Variants in ACTR10 observed in about 807,000 individuals in gnomAD.
ACTR10 encodes actin-related protein 10.
A neutral mutation model predicts 56.2 loss-of-function variants in ACTR10; 43 were observed. The observed-to-expected ratio is 0.77, with a 90% confidence interval of 0.60 to 0.99. The LOEUF is 0.99. Ranked by LOEUF, ACTR10 falls within the 50% of genes least tolerant of loss-of-function variation. The pLI is 0.00. For missense variants in ACTR10, 466 were observed against 507.8 expected (o/e 0.92, Z 0.79); for synonymous variants, 170 against 176.3 (o/e 0.96, Z 0.28).
intron 4 of ACTR10, chr14:58,211,016 A>G (rs1888980244): frequency 3.5e-6 from 1 of 286,984 alleles, no homozygotes; most frequent in African/African-American, 2.3e-5. Context: ...TCCCTTCCAA[A>G]AGAGAACAAG....
At chr14:58,224,727 G>A (rs528147139) in intron 10 of ACTR10, among the ~76,000 whole-genome samples, 2 of 152,240 alleles carry the variant, frequency 1.3e-5, no homozygotes, top group South Asian at 4.1e-4. Context: ...GCTTGGCCGG[G>A]CGCAGTGGCT....
intron 9 of ACTR10, 33 bp from the exon 10 acceptor site, chr14:58,223,750 T>A: frequency 6.2e-7 from 1 of 1,607,896 alleles, no homozygotes; most frequent in African/African-American, 1.3e-5. Flanking sequence ...TTACAACATG[T>A]GTGGACTTAT....
intron 8 of ACTR10, among the ~76,000 whole-genome samples, chr14:58,220,070 T>G (rs1035264405): frequency 3.9e-5 from 6 of 152,190 alleles, no homozygotes; most frequent in African/African-American, 1.4e-4. Flanking sequence ...TCTAGTTTTC[T>G]TTATACATTT....
At chr14:58,217,919 C>T (rs867138065) in intron 7 of ACTR10, among the ~76,000 whole-genome samples, 1 of 152,118 alleles carries the variant, frequency 6.6e-6, no homozygotes, top group African/African-American at 2.4e-5. Context: ...TGTTATGCTT[C>T]TTATTTTCCT....
At chr14:58,211,811 G>A (rs951502577) in intron 5 of ACTR10, among the ~76,000 whole-genome samples, 2 of 151,940 alleles carry the variant, frequency 1.3e-5, no homozygotes, top group African/African-American at 4.8e-5. Flanking sequence ...GAGCTCACTG[G>A]CCTCTGTAGT....
At chr14:58,220,571 T>C (rs1889241590) in intron 8 of ACTR10, among the ~76,000 whole-genome samples, 1 of 152,248 alleles carries the variant, frequency 6.6e-6, no homozygotes, top group Non-Finnish European at 1.5e-5. Context: ...TTTCCTTTCC[T>C]CTCTTCCATT....
intron 8 of ACTR10, among the ~76,000 whole-genome samples, chr14:58,223,119 T>C (rs1889316825): frequency 6.6e-6 from 1 of 152,134 alleles, no homozygotes; most frequent in African/African-American, 2.4e-5. Flanking sequence ...GGTTGTTTTT[T>C]TGTTTTGTTT....
At chr14:58,202,453 C>G (rs1032340440) in intron 1 of ACTR10, among the ~76,000 whole-genome samples, 2 of 151,606 alleles carry the variant, frequency 1.3e-5, no homozygotes, top group African/African-American at 4.8e-5. Context: ...GCGTGGTGGC[C>G]GGCACCTGTA....
In ACTR10 at chr14:58,234,771, CAAT is replaced by C. The variant is rs1163590413; in HGVS notation, c.*223_*225del. 3.7e-6 allele frequency: 1 copy of C among 268,238 alleles called. No individual in the cohort carries two copies. The highest frequency in any genetic ancestry group is 7.2e-5 in the East Asian group (1 of 13,928). 16.6% of individuals were successfully genotyped at this position (268,238 alleles called of 1,614,324 possible). A position where few individuals can be genotyped will look rare whatever the true frequency, so the allele number is the denominator to read the frequency against. ...TTATTGAGATTTGCTGTATTTATAT[CAAT>C]AAAGTATAGTAAAGCAGTTTGATTT... On this transcript the variant is annotated 3_prime_UTR_variant, in exon 13 of 13. Coordinates refer to ENST00000254286, the MANE Select transcript of ACTR10 (RefSeq NM_018477.3).
intron 7 of ACTR10, among the ~76,000 whole-genome samples, chr14:58,217,968 G>T (rs1159362908): frequency 3.9e-5 from 6 of 152,058 alleles, no homozygotes; most frequent in Non-Finnish European, 8.8e-5. Flanking sequence ...CCAGAGCCAG[G>T]GAATGCCTCT....
intron 10 of ACTR10, among the ~76,000 whole-genome samples, chr14:58,228,405 G>A (rs1889450649): frequency 6.6e-6 from 1 of 152,034 alleles, no homozygotes; most frequent in South Asian, 2.1e-4. Flanking sequence ...GATCGCTTGA[G>A]GCCAGGAGTT....
At chr14:58,217,650 A>T (rs1487046551) in intron 7 of ACTR10, among the ~76,000 whole-genome samples, 1 of 151,112 alleles carries the variant, frequency 6.6e-6, no homozygotes, top group Non-Finnish European at 1.5e-5. Context: ...TGGGTGACAG[A>T]GGGAGACTCC....
chr14:58,226,701 A>C (rs1207769258), intron 10 of ACTR10, among the ~76,000 whole-genome samples: 3 of 152,102 alleles, frequency 2.0e-5, no homozygotes, highest in African/African-American at 7.2e-5. Flanking sequence ...CCCGGGTTCA[A>C]GCAATTCTCC....
chr14:58,224,391 T>A (rs575063006), intron 10 of ACTR10, among the ~76,000 whole-genome samples: 1 of 152,218 alleles, frequency 6.6e-6, no homozygotes, highest in East Asian at 1.9e-4. Context: ...AATACAAGAA[T>A]TAGCCACCAC....
rs540424149 is a variant in ACTR10 at position 58,211,445 on chromosome 14, TTAAC to T, written c.450+50_450+53del. ...CCACCTTTGCAGTTTTTACTCTACTTTAACTAAAATAATTAGGCTAATTATAAAT... is the reference window on the plus strand; with the variant it reads ...CCACCTTTGCAGTTTTTACTCTACTTTAAAATAATTAGGCTAATTATAAAT... On this transcript the variant is annotated intron_variant, in intron 5 of 12. Transcript: ENST00000254286. 1.2e-4 allele frequency: 160 copies of T among 1,322,410 alleles called. No individual in the cohort carries two copies. In the African/African-American group the frequency reaches 2.2e-3, roughly 18 times the overall value. The allele number at this position is 1,322,410 out of a possible 1,614,324, so 81.9% of individuals were successfully genotyped here.
intron 2 of ACTR10, among the ~76,000 whole-genome samples, chr14:58,206,702 C>T (rs149688749): frequency 6.6e-6 from 1 of 152,290 alleles, no homozygotes; most frequent in Non-Finnish European, 1.5e-5. Context: ...TTAGCATTGA[C>T]TTAGCACTCA....
chr14:58,211,167 G>T, intron 4 of ACTR10, 125 bp from the exon 5 acceptor site: 1 of 669,292 alleles, frequency 1.5e-6, no homozygotes, highest in South Asian at 1.9e-5. Context: ...GGTTGAGTAG[G>T]TATCACCATA....
intron 8 of ACTR10, among the ~76,000 whole-genome samples, chr14:58,221,972 G>A (rs1201314004): frequency 2.6e-5 from 4 of 152,038 alleles, no homozygotes; most frequent in Admixed American, 6.6e-5. Flanking sequence ...AGATAGTCAC[G>A]AGAACTTGAA....
chr14:58,220,068 TC>T (rs1889226908), intron 8 of ACTR10, among the ~76,000 whole-genome samples: 1 of 152,182 alleles, frequency 6.6e-6, no homozygotes, highest in African/African-American at 2.4e-5. Flanking sequence ...ACTCTAGTTT[TC>T]TTTATACATT....
Sources: gnomAD v4.1 joint callset for allele counts (sites outside exome capture counted in the v4.1 genomes callset) on GRCh38, gnomAD v4.1.1 for gene constraint, MANE v1.5 for transcripts, NCBI Gene and HGNC (gene_info 2026-07-23, HGNC 2026-07-21) for gene names.